Variants in TTC29 observed in about 807,000 individuals in gnomAD.
TTC29 encodes the protein tetratricopeptide repeat protein 29.
TTC29 carries 49 observed loss-of-function variants against 58.1 expected under a neutral mutation model. The ratio of observed to expected loss-of-function variants is 0.84; its 90% confidence interval spans 0.67 to 1.07. The LOEUF is 1.07. Among genes scored for constraint, TTC29 ranks in the 50% least tolerant of loss-of-function variants. TTC29 has a pLI of 0.00. For missense variants in TTC29, 582 were observed against 555.6 expected, an observed-to-expected ratio of 1.05 and a Z score of -0.48; for synonymous variants, 209 against 196.8, an observed-to-expected ratio of 1.06 and a Z score of -0.52.
At chr4:146,848,860 A>C (rs1189546662) in intron 8 of TTC29, among the ~76,000 whole-genome samples, 1 of 152,162 alleles carries the variant, frequency 6.6e-6, no homozygotes. Flanking sequence ...TTGGCATCAC[A>C]TCAGTTTGCT....
chr4:146,903,576 T>C lies in TTC29; in HGVS notation c.554A>G (p.His185Arg). 1 of 1,612,414 alleles carries C rather than the reference T, an allele frequency of 6.2e-7. No homozygotes were observed. Among genetic ancestry groups the C allele is most frequent in the Non-Finnish European group, 8.5e-7 (1 of 1,179,168 alleles). The change falls in exon 6 of 13, where the codon CAC becomes CGC. Residue 185 changes from histidine to arginine, a missense_variant. By Grantham distance (29) the His-to-Arg change is conservative. Coordinates refer to ENST00000325106, the MANE Select transcript of TTC29 (RefSeq NM_031956.4). ...CTCGTAGAGAAGACCCATATGCATGTGTGCCTCGGCTTCTTTCTTCCCACA... is the reference window on the plus strand; with the variant it reads ...CTCGTAGAGAAGACCCATATGCATGCGTGCCTCGGCTTCTTTCTTCCCACA... ...IDCGKKEAEA[H>R]MHMGLLYEED...
At chr4:146,906,625 C>T (rs1169944771) in intron 5 of TTC29, among the ~76,000 whole-genome samples, 1 of 152,120 alleles carries the variant, frequency 6.6e-6, no homozygotes, top group Non-Finnish European at 1.5e-5. Flanking sequence ...CACAATTTTC[C>T]TCCAATAAAG....
At chr4:146,892,830 G>A (rs1732475992) in intron 6 of TTC29, among the ~76,000 whole-genome samples, 1 of 152,172 alleles carries the variant, frequency 6.6e-6, no homozygotes, top group Non-Finnish European at 1.5e-5. Context: ...GGCAACTTCA[G>A]CAAAGTCTCA....
At chr4:146,783,247 C>G (rs1748753430) in intron 11 of TTC29, among the ~76,000 whole-genome samples, 1 of 152,004 alleles carries the variant, frequency 6.6e-6, no homozygotes, top group Non-Finnish European at 1.5e-5. Flanking sequence ...TTCCTTTTCA[C>G]TCTCCACAAC....
At chr4:146,779,378 G>T (rs913803861) in intron 11 of TTC29, among the ~76,000 whole-genome samples, 48 of 151,958 alleles carry the variant, frequency 3.2e-4, no homozygotes, top group Non-Finnish European at 1.5e-5. Context: ...TATAGCATAA[G>T]TGCATAAAAA....
intron 11 of TTC29, among the ~76,000 whole-genome samples, chr4:146,793,513 C>G (rs933636945): frequency 2.0e-5 from 3 of 151,992 alleles, no homozygotes; most frequent in Admixed American, 2.0e-4. Flanking sequence ...GCACACCTAA[C>G]AGACTAAAGT....
chr4:146,811,046 G>A lies in TTC29; in HGVS notation c.1102-7361C>T, dbSNP rs149824910. Among the ~76,000 whole-genome samples the A allele has an allele frequency of 5.0e-3, 759 of 152,106 alleles. 14 individuals are homozygous for A. Among genetic ancestry groups the A allele is most frequent in the Non-Finnish European group, 4.3e-3 (294 of 68,008 alleles). Reference sequence around the variant, plus strand: ...TCCAAAATTTCTGAAAAATATGATCGTGATGTCACTAGCACCAATCAAATG... The same window carrying A: ...TCCAAAATTTCTGAAAAATATGATCATGATGTCACTAGCACCAATCAAATG... On this transcript the variant is annotated intron_variant, in intron 10 of 12. Coordinates refer to ENST00000325106, the MANE Select transcript of TTC29 (RefSeq NM_031956.4).
chr4:146,819,359 G>C (rs17021984), intron 10 of TTC29, among the ~76,000 whole-genome samples: 9,585 of 152,008 alleles, frequency 0.063, 404 homozygotes, highest in Admixed American at 0.13. Flanking sequence ...CACAGACTCT[G>C]AAAGAGATTA....
At chr4:146,724,766 G>A (rs983139939) in intron 11 of TTC29, among the ~76,000 whole-genome samples, 7 of 152,004 alleles carry the variant, frequency 4.6e-5, no homozygotes, top group East Asian at 1.9e-4. Context: ...CGCCTGCCTC[G>A]GCCTCCCAAA....
chr4:146,846,584 C>A (rs1326259894), intron 8 of TTC29, among the ~76,000 whole-genome samples: 1 of 152,180 alleles, frequency 6.6e-6, no homozygotes, highest in African/African-American at 2.4e-5. Flanking sequence ...GCCACCTAAC[C>A]TTCTTCCTTT....
intron 4 of TTC29, among the ~76,000 whole-genome samples, chr4:146,934,995 G>A (rs537367673): frequency 2.6e-5 from 4 of 152,106 alleles, no homozygotes; most frequent in Admixed American, 1.3e-4. Context: ...ATCAAAATGG[G>A]GTAGAACCTG....
intron 11 of TTC29, among the ~76,000 whole-genome samples, chr4:146,749,409 C>T (rs997360232): frequency 2.0e-5 from 3 of 151,572 alleles, no homozygotes; most frequent in Admixed American, 2.0e-4. Context: ...CAACAGCAGG[C>T]TAGATCAAGG....
At chr4:146,804,502 C>A (rs1750462324) in intron 10 of TTC29, among the ~76,000 whole-genome samples, 1 of 152,124 alleles carries the variant, frequency 6.6e-6, no homozygotes, top group Admixed American at 6.5e-5. Context: ...TTCTCACTGC[C>A]AGCATAGCAG....
intron 8 of TTC29, among the ~76,000 whole-genome samples, chr4:146,845,280 A>T (rs1729092699): frequency 6.6e-6 from 1 of 152,124 alleles, no homozygotes; most frequent in Non-Finnish European, 1.5e-5. Flanking sequence ...GTGAGACACA[A>T]TGTAGGTTGA....
chr4:146,937,597 G>T lies in TTC29; in HGVS notation c.173C>A (p.Ala58Asp), dbSNP rs558474714. The T allele has an allele frequency of 1.3e-5, 19 of 1,518,166 alleles. No individual in the cohort carries two copies. The East Asian group carries it at 4.4e-4, about 35-fold the overall frequency. The allele number at this position is 1,518,166 out of a possible 1,614,324, so 94.0% of individuals were successfully genotyped here. A position where few individuals can be genotyped will look rare whatever the true frequency, so the allele number is the denominator to read the frequency against. ...NFKGLSKEEV[A>D]AYRNSYKKNI... is the part of the protein sequence containing the mutation. ...TACCTTTAAAGGTTGTACTTACGCA[G>T]CAACTTCCTCTTTTGATAATCCTTT... The change falls in exon 4 of 13, where the codon GCT (alanine) becomes GAT (aspartate). Residue 58 changes from alanine (A) to aspartate (D), a missense_variant. Transcript: ENST00000325106.
chr4:146,752,501 C>G (rs1746086423), intron 11 of TTC29, among the ~76,000 whole-genome samples: 2 of 151,638 alleles, frequency 1.3e-5, no homozygotes, highest in Admixed American at 1.3e-4. Context: ...GATTCAGTGC[C>G]ATCCCCATCA....
chr4:146,869,301 G>A (rs772804607), intron 7 of TTC29, among the ~76,000 whole-genome samples: 14 of 152,124 alleles, frequency 9.2e-5, no homozygotes, highest in Non-Finnish European at 1.5e-4. Context: ...TGCTGAAGCA[G>A]CGGCTCTTTG....
intron 8 of TTC29, among the ~76,000 whole-genome samples, chr4:146,851,049 G>C (rs1729486126): frequency 6.6e-6 from 1 of 152,164 alleles, no homozygotes; most frequent in Admixed American, 6.5e-5. Flanking sequence ...GGGGTGCTAA[G>C]AGATTTGTCT....
chr4:146,787,762 A>G (rs1411508121), intron 11 of TTC29, among the ~76,000 whole-genome samples: 2 of 152,198 alleles, frequency 1.3e-5, no homozygotes, highest in African/African-American at 2.4e-5. Context: ...CAGGAGAGAA[A>G]GATGAAAAGT....
Sources: gnomAD v4.1 joint callset for allele counts (sites outside exome capture counted in the v4.1 genomes callset) on GRCh38, gnomAD v4.1.1 for gene constraint, MANE v1.5 for transcripts, NCBI Gene and HGNC (gene_info 2026-07-23, HGNC 2026-07-21) for gene names.